Variants in TFDP1 observed in about 807,000 individuals in gnomAD.
The protein encoded by TFDP1 is DRTF1-polypeptide 1.
TFDP1 carries 6 observed loss-of-function variants against 48.0 expected under a neutral mutation model. That is an observed-to-expected ratio of 0.13 (90% CI 0.07 to 0.25). The LOEUF (loss-of-function observed/expected upper bound fraction) is 0.25, where lower values mean the gene tolerates loss of function less well. Among genes scored for constraint, TFDP1 ranks in the 10% least tolerant of loss-of-function variants. TFDP1 has a pLI of 1.00. For synonymous variants in TFDP1, 201 were observed against 211.6 expected (o/e 0.95, Z 0.44); for missense variants, 335 against 543.0 (o/e 0.62, Z 3.81).
intron 9 of TFDP1, 71 bp downstream of exon 9, chr13:113,636,199 G>T: frequency 6.4e-7 from 1 of 1,554,306 alleles, no homozygotes; most frequent in African/African-American, 1.4e-5. Context: ...TGTTGGTATT[G>T]TCACTAGGAC....
In TFDP1 at chr13:113,593,388, G is replaced by A. The variant is rs1483709109; in HGVS notation, c.12+7539G>A. On this transcript the variant is annotated intron_variant, in intron 2 of 11. Coordinates refer to ENST00000375370, the MANE Select transcript of TFDP1 (RefSeq NM_007111.5). ...TCCTCACCCTGCCCAGGTGACAGGT[G>A]TGTGTGCGGGTCCTCAGCCCTGCCC... Among the ~76,000 whole-genome samples, 3 of 133,468 alleles carry A rather than the reference G, an allele frequency of 2.2e-5. No individual in the cohort carries two copies. In the East Asian group the frequency reaches 7.1e-4, roughly 32 times the overall value. The allele number at this position is 133,468 out of a possible 152,430, so 87.6% of individuals were successfully genotyped here. A position where few individuals can be genotyped will look rare whatever the true frequency, so the allele number is the denominator to read the frequency against.
chr13:113,636,501 C>T (rs373962549), intron 9 of TFDP1, 33 bp from the exon 10 acceptor site: 2 of 1,608,850 alleles, frequency 1.2e-6, no homozygotes, highest in African/African-American at 2.7e-5. Flanking sequence ...CGCTGGGAGA[C>T]CCTGTCTTTC....
intron 2 of TFDP1, among the ~76,000 whole-genome samples, chr13:113,605,670 C>T (rs997917750): frequency 2.6e-5 from 4 of 152,234 alleles, no homozygotes; most frequent in Admixed American, 6.5e-5. Flanking sequence ...ACCTCAGGGC[C>T]GCTTGAGTAT....
Position 113,586,487 on chromosome 13 carries a change from G to A in TFDP1, c.12+638G>A, listed in dbSNP as rs1401182848. Among the ~76,000 whole-genome samples, 3 of 152,122 alleles carry A rather than the reference G, an allele frequency of 2.0e-5. No individual in the cohort carries two copies. The East Asian group carries it at 5.8e-4, about 29-fold the overall frequency. On this transcript the variant is annotated intron_variant, in intron 2 of 11. Coordinates refer to ENST00000375370, the MANE Select transcript of TFDP1 (RefSeq NM_007111.5). ...AATTTAGTCTATTTTATTGGTGTGC[G>A]GTTCTTTACCGTGCTTGGTTATGTC... is the stretch of plus-strand genomic sequence containing the variant.
At chr13:113,606,104 G>T (rs1436112641) in intron 2 of TFDP1, among the ~76,000 whole-genome samples, 3 of 146,980 alleles carry the variant, frequency 2.0e-5, no homozygotes, top group Non-Finnish European at 4.5e-5. Flanking sequence ...CCTGTGGGAA[G>T]GCGGCGTGGT....
chr13:113,633,308 G>C lies in TFDP1; in HGVS notation c.474+23G>C, dbSNP rs2049385632. On this transcript the variant is annotated intron_variant, in intron 6 of 11. Transcript: ENST00000375370. The surrounding 1 kb of genome is among the most constrained non-coding windows in gnomAD (Gnocchi z 4.5). ...TCAGTAAGTGTGTGCCGGGGGCCGA[G>C]AGGCTGGGGTGGCGGAGCCCAGCGG... 6.2e-7 allele frequency: 1 copy of C among 1,606,674 alleles called. No individual in the cohort carries two copies. The highest frequency in any genetic ancestry group is 8.5e-7 in the Non-Finnish European group (1 of 1,174,620).
intron 11 of TFDP1, among the ~76,000 whole-genome samples, chr13:113,639,335 C>G (rs924985070): frequency 6.6e-6 from 1 of 152,184 alleles, no homozygotes; most frequent in Non-Finnish European, 1.5e-5. Flanking sequence ...GGAAACAAAG[C>G]TATTACCATT....
intron 11 of TFDP1, among the ~76,000 whole-genome samples, chr13:113,639,048 CCT>C (rs1317905246): frequency 6.6e-6 from 1 of 152,122 alleles, no homozygotes; most frequent in Non-Finnish European, 1.5e-5. Context: ...GCCTTGGCCT[CCT>C]CACCTGTAAG....
At chr13:113,613,086 G>A (rs1233785799) in intron 3 of TFDP1, among the ~76,000 whole-genome samples, 3 of 152,254 alleles carry the variant, frequency 2.0e-5, no homozygotes, top group East Asian at 1.9e-4. Context: ...GCGCCGTCTC[G>A]GCTCACTGCA....
chr13:113,636,485 C>T lies in TFDP1; in HGVS notation c.840-49C>T, dbSNP rs371064271. 27 of 1,593,244 alleles carry T rather than the reference C, an allele frequency of 1.7e-5. 1 individual carries two copies. The highest frequency in any genetic ancestry group is 1.1e-4 in the South Asian group (10 of 87,958). ...GTCCTGGCTCCACCCCAGTGTGTAC[C>T]GTCTCCGCTGGGAGACCCTGTCTTT... On this transcript the variant is annotated intron_variant, in intron 9 of 11. Coordinates refer to ENST00000375370, the MANE Select transcript of TFDP1 (RefSeq NM_007111.5).
At chr13:113,613,690 T>C (rs1402435141) in intron 3 of TFDP1, among the ~76,000 whole-genome samples, 2 of 149,146 alleles carry the variant, frequency 1.3e-5, no homozygotes, top group African/African-American at 2.5e-5. Flanking sequence ...TGAGTGTGTG[T>C]GTGTATGCGT....
At chr13:113,588,438 C>A (rs2048057523) in intron 2 of TFDP1, among the ~76,000 whole-genome samples, 1 of 152,188 alleles carries the variant, frequency 6.6e-6, no homozygotes, top group Non-Finnish European at 1.5e-5. Flanking sequence ...CTTCCAACCT[C>A]AAGTAGGGCA....
At position 113,585,769 on chromosome 13, in the gene TFDP1, A is replaced by G; in HGVS notation, c.-64-5A>G. On this transcript the variant is annotated splice_polypyrimidine_tract_variant and splice_region_variant and intron_variant, in intron 1 of 11. Transcript: ENST00000375370. ...TTTCCTTACTTTTTTTTTTTTTTTT[A>G]CCAGAAAAATCATTTTTCTTCTCTG... 5 of 1,198,274 alleles carry G rather than the reference A, an allele frequency of 4.2e-6. No homozygotes were observed. Among genetic ancestry groups the G allele is most frequent in the Non-Finnish European group, 5.6e-6 (5 of 897,716 alleles). 74.2% of individuals were successfully genotyped at this position (1,198,274 alleles called of 1,614,324 possible). A position where few individuals can be genotyped will look rare whatever the true frequency, so the allele number is the denominator to read the frequency against.
intron 4 of TFDP1, among the ~76,000 whole-genome samples, chr13:113,625,763 C>T (rs375063175): frequency 1.8e-4 from 18 of 101,618 alleles, no homozygotes; most frequent in African/African-American, 5.7e-4. Context: ...CTCACGTGTC[C>T]TCAGGCGTCT....
chr13:113,587,140 C>T (rs778749737), intron 2 of TFDP1, among the ~76,000 whole-genome samples: 3 of 152,268 alleles, frequency 2.0e-5, no homozygotes, highest in African/African-American at 7.2e-5. Context: ...TCTTTCATTC[C>T]CCCGTGATTT....
chr13:113,587,482 C>CTTTT (rs34556944), intron 2 of TFDP1, among the ~76,000 whole-genome samples: 10 of 125,476 alleles, frequency 8.0e-5, no homozygotes, highest in East Asian at 4.9e-4. Flanking sequence ...TTCGCTAGCT[C>CTTTT]TTTTTTTTTT....
At position 113,636,576 on chromosome 13, in the gene TFDP1, C is replaced by T. The variant is rs774581917; in HGVS notation, c.882C>T (p.His294=). The change falls in exon 10 of 12, where the codon CAC becomes CAT. Residue 294 remains histidine, a synonymous_variant. Transcript: ENST00000375370. ...LFNFDNTFEI[H]DDIEVLKRMG... ...ATTTTGACAACACATTTGAAATCCA[C>T]GATGACATAGAAGTGCTGAAGCGGA... 6.2e-6 allele frequency: 10 copies of T among 1,614,056 alleles called. No homozygotes were observed. Among genetic ancestry groups the T allele is most frequent in the South Asian group, 2.2e-5 (2 of 91,080 alleles).
rs1350981734 is a variant in TFDP1 at position 113,585,768 on chromosome 13, T to TA, written c.-64-5dup. 2.7e-5 allele frequency: 36 copies of TA among 1,320,162 alleles called. No individual in the cohort carries two copies. Among genetic ancestry groups the TA allele is most frequent in the East Asian group, 2.4e-4 (10 of 42,218 alleles). The allele number at this position is 1,320,162 out of a possible 1,614,324, so 81.8% of individuals were successfully genotyped here. On this transcript the variant is annotated splice_polypyrimidine_tract_variant and splice_region_variant and intron_variant, in intron 1 of 11. Transcript: ENST00000375370. ...TTTTCCTTACTTTTTTTTTTTTTTT[T>TA]ACCAGAAAAATCATTTTTCTTCTCT...
chr13:113,639,369 A>G (rs1446730467), intron 11 of TFDP1, among the ~76,000 whole-genome samples: 1 of 152,236 alleles, frequency 6.6e-6, no homozygotes, highest in Non-Finnish European at 1.5e-5. Flanking sequence ...CGATTTTCAT[A>G]GTGGCATGAT....
Sources: gnomAD v4.1 joint callset for allele counts (sites outside exome capture counted in the v4.1 genomes callset) on GRCh38, gnomAD v4.1.1 for gene constraint, Gnocchi (gnomAD v3.1) non-coding constraint, MANE v1.5 for transcripts, NCBI Gene and HGNC (gene_info 2026-07-23, HGNC 2026-07-21) for gene names.